TOP6BL: variants seen among roughly 807,000 people sequenced by gnomAD.
The protein encoded by TOP6BL is TOP6B like initiator of meiotic double strand breaks.
the TOP6BL span, among the ~76,000 whole-genome samples, chr11:66,766,553 G>T: frequency 5.2e-4 from 79 of 152,324 alleles, no homozygotes; most frequent in African/African-American, 1.9e-3. Flanking sequence ...ATAAAATGCA[G>T]TGTGATTAGT....
the TOP6BL span, among the ~76,000 whole-genome samples, chr11:66,840,119 T>C: frequency 6.6e-6 from 1 of 152,190 alleles, no homozygotes; most frequent in Non-Finnish European, 1.5e-5. Context: ...CAGCATCCAT[T>C]CTACGCCTCA....
chr11:66,748,548 C>G, the TOP6BL span: 3 of 1,490,606 alleles, frequency 2.0e-6, no homozygotes, highest in Non-Finnish European at 2.7e-6. Flanking sequence ...TATTTTCTAT[C>G]TCTTTTGTCA....
the TOP6BL span, chr11:66,800,553 ATTC>A: frequency 9.7e-7 from 1 of 1,034,328 alleles, no homozygotes; most frequent in African/African-American, 1.6e-5. Context: ...TTTTAAGCTT[ATTC>A]TTTTCCTTTA....
chr11:66,779,240 G>A, the TOP6BL span, among the ~76,000 whole-genome samples: 1 of 152,054 alleles, frequency 6.6e-6, no homozygotes, highest in Non-Finnish European at 1.5e-5. Context: ...TACAGAATGG[G>A]AGAAAATTTT....
the TOP6BL span, among the ~76,000 whole-genome samples, chr11:66,815,294 C>T: frequency 2.0e-5 from 3 of 152,058 alleles, no homozygotes; most frequent in African/African-American, 4.8e-5. Flanking sequence ...AAATGAATAA[C>T]GTAGGAAATG....
chr11:66,775,860 A>G, the TOP6BL span, among the ~76,000 whole-genome samples: 3 of 152,056 alleles, frequency 2.0e-5, no homozygotes, highest in African/African-American at 7.2e-5. Flanking sequence ...ATGGTCTTAG[A>G]TATCTTTTGC....
the TOP6BL span, among the ~76,000 whole-genome samples, chr11:66,783,237 C>T: frequency 2.0e-5 from 3 of 152,118 alleles, no homozygotes; most frequent in Non-Finnish European, 4.4e-5. Flanking sequence ...ATCGTGTACA[C>T]CTGTAGTTCT....
the TOP6BL span, chr11:66,843,015 G>C: frequency 6.4e-7 from 1 of 1,553,314 alleles, no homozygotes; most frequent in Non-Finnish European, 8.7e-7. Flanking sequence ...AGCACCGCGA[G>C]GCTCACGGCA....
At chr11:66,827,465 A>C in the TOP6BL span, among the ~76,000 whole-genome samples, 1 of 152,160 alleles carries the variant, frequency 6.6e-6, no homozygotes, top group African/African-American at 2.4e-5. Context: ...TAAAAGTAGA[A>C]AGCTGTTACC....
the TOP6BL span, among the ~76,000 whole-genome samples, chr11:66,836,285 C>T: frequency 2.0e-5 from 3 of 151,934 alleles, no homozygotes; most frequent in Admixed American, 1.3e-4. Context: ...GGCGCTATCT[C>T]GGCTCACTGC....
the TOP6BL span, chr11:66,843,346 C>T: frequency 6.8e-7 from 1 of 1,470,576 alleles, no homozygotes; most frequent in Non-Finnish European, 9.0e-7. Flanking sequence ...CGTCTGCTTC[C>T]GCGTCGGGCC....
At chr11:66,804,270 T>C in the TOP6BL span, 3 of 1,067,108 alleles carry the variant, frequency 2.8e-6, no homozygotes, top group African/African-American at 4.8e-5. Context: ...GCCTTTAGTA[T>C]GTGAATTCTG....
chr11:66,837,992 T>C, the TOP6BL span, among the ~76,000 whole-genome samples: 3 of 152,202 alleles, frequency 2.0e-5, no homozygotes, highest in Non-Finnish European at 4.4e-5. Context: ...TGTAAAGTGA[T>C]AAAGGCATGA....
chr11:66,775,144 A>G, the TOP6BL span, among the ~76,000 whole-genome samples: 1 of 151,696 alleles, frequency 6.6e-6, no homozygotes, highest in East Asian at 1.9e-4. Flanking sequence ...AAGCTCCACA[A>G]AAAAATCTTG....
the TOP6BL span, among the ~76,000 whole-genome samples, chr11:66,808,373 A>G: frequency 6.6e-6 from 1 of 152,090 alleles, no homozygotes; most frequent in Admixed American, 6.6e-5. Flanking sequence ...CCATCTCTAT[A>G]CAAGTTACCT....
chr11:66,821,800 T>G, the TOP6BL span: 2 of 1,606,154 alleles, frequency 1.2e-6, no homozygotes, highest in Non-Finnish European at 1.7e-6. Flanking sequence ...TCTCCTATTC[T>G]CTAAGAAAAA....
chr11:66,768,420 C>G, the TOP6BL span, among the ~76,000 whole-genome samples: 1 of 152,036 alleles, frequency 6.6e-6, no homozygotes, highest in African/African-American at 2.4e-5. Context: ...AGCAGTCAGA[C>G]ATAAGTGTTA....
the TOP6BL span, chr11:66,816,218 G>A: frequency 6.3e-7 from 1 of 1,599,568 alleles, no homozygotes; most frequent in Non-Finnish European, 8.5e-7. Flanking sequence ...AAGAGAATGG[G>A]GTTGCCAGCT....
the TOP6BL span, chr11:66,788,070 C>CT: frequency 1.1e-6 from 1 of 870,308 alleles, no homozygotes; most frequent in Non-Finnish European, 1.9e-6. Context: ...GAAAAGCCTT[C>CT]TTGGCTCACC....
Sources: allele counts gnomAD v4.1 joint callset (sites outside exome capture counted in the v4.1 genomes callset), GRCh38; gene constraint gnomAD v4.1.1; transcripts MANE v1.5; gene names NCBI Gene and HGNC (gene_info 2026-07-23, HGNC 2026-07-21).